The following PLCE1 variants were observed in gnomAD, a reference collection of about 807,000 sequenced individuals.
PLCE1 encodes 1-phosphatidylinositol 4,5-bisphosphate phosphodiesterase epsilon-1.
Under a neutral mutation model 242.8 loss-of-function variants are expected in PLCE1, and 119 were observed. The ratio of observed to expected loss-of-function variants is 0.49; its 90% CI spans 0.42 to 0.57. The LOEUF (loss-of-function observed/expected upper bound fraction) is 0.57. Among genes scored for constraint, PLCE1 ranks in the 20% least tolerant of loss-of-function variants. The probability of loss-of-function intolerance (pLI) is 0.00; values close to 1 mark genes in which losing one functional copy is unlikely to be tolerated. For missense variants in PLCE1, 2,441 were observed against 2,788.8 expected, an observed-to-expected ratio of 0.88 and a Z score of 2.81; for synonymous variants, 945 against 1,017.4, an observed-to-expected ratio of 0.93 and a Z score of 1.35.
In PLCE1 at chr10:94,218,504, TA is replaced by T. The variant is rs1227693401; in HGVS notation, c.1810-8798del. On this transcript the variant is annotated intron_variant, in intron 4 of 32. Transcript: ENST00000371380. Reference sequence around the variant, plus strand: ...CCTTACCCACAATTTCATGTGTAGATAAAATAAAATGAAGATCATAAATAGT... The same window carrying T: ...CCTTACCCACAATTTCATGTGTAGATAAATAAAATGAAGATCATAAATAGT... 9.2e-5 allele frequency among the ~76,000 whole-genome samples: 14 copies of T among 152,222 alleles called. No homozygotes were observed. The East Asian group carries it at 2.5e-3, about 27-fold the overall frequency.
At chr10:94,053,660 G>A (rs928800131) in intron 2 of PLCE1, among the ~76,000 whole-genome samples, 8 of 152,200 alleles carry the variant, frequency 5.3e-5, no homozygotes, top group African/African-American at 1.4e-4. Context: ...CTGGGATCCA[G>A]CTTGCTCCAG....
chr10:94,249,356 T>C (rs1442154246), intron 8 of PLCE1, among the ~76,000 whole-genome samples: 1 of 152,156 alleles, frequency 6.6e-6, no homozygotes, highest in Non-Finnish European at 1.5e-5. Context: ...CTTTTGTTAA[T>C]GTTTAATAGC....
chr10:94,138,712 C>T, intron 3 of PLCE1: 1 of 276,750 alleles, frequency 3.6e-6, no homozygotes, highest in East Asian at 1.1e-4. Context: ...CAGCTGTGGC[C>T]CTGGACACAG....
At chr10:94,022,771 A>G (rs1283910940) in intron 1 of PLCE1, among the ~76,000 whole-genome samples, 1 of 152,054 alleles carries the variant, frequency 6.6e-6, no homozygotes, top group Non-Finnish European at 1.5e-5. Context: ...ATTTTTCTGA[A>G]AATTATATGG....
intron 2 of PLCE1, among the ~76,000 whole-genome samples, chr10:94,130,391 C>A (rs2046562316): frequency 1.3e-5 from 2 of 152,148 alleles, no homozygotes; most frequent in Non-Finnish European, 2.9e-5. Context: ...ACTTGCTCAA[C>A]AGTAAAGAGC....
At chr10:94,210,426 G>C (rs1272646906) in intron 4 of PLCE1, among the ~76,000 whole-genome samples, 2 of 151,984 alleles carry the variant, frequency 1.3e-5, no homozygotes, top group African/African-American at 4.8e-5. Context: ...ACTTTTACAG[G>C]AACTGTCAAC....
At chr10:94,237,869 G>T (rs1404167938) in intron 7 of PLCE1, among the ~76,000 whole-genome samples, 1 of 152,206 alleles carries the variant, frequency 6.6e-6, no homozygotes, top group African/African-American at 2.4e-5. Context: ...TGTGCAGATT[G>T]AAAAGCCCAT....
At chr10:94,312,452 G>A (rs2053416019) in intron 27 of PLCE1, among the ~76,000 whole-genome samples, 1 of 152,200 alleles carries the variant, frequency 6.6e-6, no homozygotes, top group African/African-American at 2.4e-5. Context: ...CCATTTCTAA[G>A]TCTTCATACA....
At chr10:94,094,568 G>A (rs960799746) in intron 2 of PLCE1, 6 of 152,230 alleles carry the variant, frequency 3.9e-5, no homozygotes, top group Non-Finnish European at 8.8e-5. Flanking sequence ...TGCAGGGTGA[G>A]TAGCCCTCAC....
At chr10:94,011,973 C>G (rs2061177436) in intron 1 of PLCE1, among the ~76,000 whole-genome samples, 1 of 152,142 alleles carries the variant, frequency 6.6e-6, no homozygotes, top group African/African-American at 2.4e-5. Context: ...TTCATTTCTG[C>G]TGCCTTCACT....
intron 4 of PLCE1, among the ~76,000 whole-genome samples, chr10:94,182,052 C>G (rs1228932235): frequency 6.6e-6 from 1 of 151,554 alleles, no homozygotes; most frequent in Non-Finnish European, 1.5e-5. Flanking sequence ...AGCTGTATCC[C>G]AAAGCAAATA....
chr10:94,125,564 A>T (rs2046414796), intron 2 of PLCE1, among the ~76,000 whole-genome samples: 1 of 152,070 alleles, frequency 6.6e-6, no homozygotes, highest in African/African-American at 2.4e-5. Context: ...TTAAATGCTG[A>T]TAATAGTAGA....
intron 22 of PLCE1, among the ~76,000 whole-genome samples, chr10:94,288,804 G>C (rs976545849): frequency 7.9e-5 from 12 of 152,170 alleles, no homozygotes; most frequent in African/African-American, 2.4e-4. Flanking sequence ...GCAAGTGTCA[G>C]TCCATTCCCT....
chr10:94,041,266 T>C (rs200260983), intron 2 of PLCE1, among the ~76,000 whole-genome samples: 1 of 152,336 alleles, frequency 6.6e-6, no homozygotes, highest in East Asian at 1.9e-4. Flanking sequence ...CACCCACTTC[T>C]GCTGTCTCCT....
chr10:94,312,157 C>T (rs1465164430), intron 27 of PLCE1, among the ~76,000 whole-genome samples: 1 of 152,136 alleles, frequency 6.6e-6, no homozygotes, highest in Non-Finnish European at 1.5e-5. Flanking sequence ...AGAATGTGTG[C>T]ATTTTATAGT....
chr10:94,161,746 G>A (rs1250204980), intron 3 of PLCE1, among the ~76,000 whole-genome samples: 1 of 152,158 alleles, frequency 6.6e-6, no homozygotes, highest in East Asian at 1.9e-4. Flanking sequence ...TTTTCAAAGG[G>A]AATGCTTCCA....
Position 94,177,005 on chromosome 10 carries a change from G to A in PLCE1, c.1809+5509G>A, listed in dbSNP as rs557839409. On this transcript the variant is annotated intron_variant, in intron 4 of 32. Transcript: ENST00000371380. ...GACAATCAGACAGTTTTTGTCATGAGCAAGACTCATGGTTTAGGGAGGCAG... is the reference window on the plus strand; with the variant it reads ...GACAATCAGACAGTTTTTGTCATGAACAAGACTCATGGTTTAGGGAGGCAG... Among the ~76,000 whole-genome samples, 9 of 152,290 alleles carry A rather than the reference G, an allele frequency of 5.9e-5. No individual in the cohort carries two copies. The South Asian group carries it at 1.9e-3, about 32-fold the overall frequency.
intron 7 of PLCE1, 45 bp downstream of exon 7, chr10:94,236,165 T>C: frequency 6.5e-7 from 1 of 1,527,584 alleles, no homozygotes; most frequent in Non-Finnish European, 9.0e-7. Context: ...TCTCTTCTTT[T>C]TTCCTGTTGA....
chr10:94,060,509 C>T (rs1214196465), intron 2 of PLCE1, among the ~76,000 whole-genome samples: 4 of 152,076 alleles, frequency 2.6e-5, no homozygotes, highest in Admixed American at 6.6e-5. Flanking sequence ...CTTGGCAAGA[C>T]TTTACTTCCC....
Sources: allele counts gnomAD v4.1 joint callset (sites outside exome capture counted in the v4.1 genomes callset), GRCh38; gene constraint gnomAD v4.1.1; transcripts MANE v1.5; gene names NCBI Gene and HGNC (gene_info 2026-07-23, HGNC 2026-07-21).